The following SRGAP3 variants were observed in gnomAD, a reference collection of about 807,000 sequenced individuals.
SRGAP3 encodes SLIT-ROBO Rho GTPase activating protein 3.
SRGAP3 carries 39 observed loss-of-function variants against 121.1 expected under a neutral mutation model. The observed-to-expected ratio is 0.32, with a 90% CI of 0.25 to 0.42. The LOEUF is 0.42. Among genes scored for constraint, SRGAP3 ranks in the 10% least tolerant of loss-of-function variants. SRGAP3 has a pLI of 1.00. For missense variants in SRGAP3, 1,213 were observed against 1,470.6 expected (o/e 0.82, Z 2.86); for synonymous variants, 601 against 570.0 (o/e 1.05, Z -0.77).
chr3:9,006,647 A>C (rs546917792), intron 18 of SRGAP3, among the ~76,000 whole-genome samples: 1 of 152,324 alleles, frequency 6.6e-6, no homozygotes, highest in South Asian at 2.1e-4. Flanking sequence ...AACCTCAAAA[A>C]TTTCAGGAAA....
chr3:8,993,261 A>G (rs1942177961), intron 19 of SRGAP3, among the ~76,000 whole-genome samples: 1 of 152,014 alleles, frequency 6.6e-6, no homozygotes, highest in South Asian at 2.1e-4. Context: ...CGCAGCTGGG[A>G]CCCTCTTCTG....
chr3:9,305,302 G>A (rs939847075), intron 3 of SRGAP3, among the ~76,000 whole-genome samples: 4 of 149,972 alleles, frequency 2.7e-5, no homozygotes, highest in African/African-American at 4.9e-5. Context: ...ACCTCCACGC[G>A]AACGCTGCGG....
At chr3:9,305,296 C>T (rs1309166921) in intron 3 of SRGAP3, among the ~76,000 whole-genome samples, 1 of 150,320 alleles carries the variant, frequency 6.7e-6, no homozygotes, top group Non-Finnish European at 1.5e-5. Context: ...AGTGTGACCT[C>T]CACGCGAACG....
chr3:9,176,029 C>A (rs1179708465), intron 1 of SRGAP3, among the ~76,000 whole-genome samples: 1 of 152,202 alleles, frequency 6.6e-6, no homozygotes, highest in Non-Finnish European at 1.5e-5. Context: ...TCAAGCGATT[C>A]TCCCACCTCA....
At chr3:9,340,996 G>A (rs1436402419) in intron 1 of SRGAP3, among the ~76,000 whole-genome samples, 2 of 152,162 alleles carry the variant, frequency 1.3e-5, no homozygotes, top group Non-Finnish European at 2.9e-5. Context: ...AGTATGGCTG[G>A]GTTTTGGTGA....
intron 11 of SRGAP3, chr3:9,035,439 G>T (rs1169613324): frequency 1.7e-5 from 3 of 175,502 alleles, no homozygotes; most frequent in Non-Finnish European, 3.7e-5. Flanking sequence ...GCACTGTCTG[G>T]AATCTCTGAC....
At chr3:9,024,691 TGGAG>T (rs1559939548) in intron 14 of SRGAP3, among the ~76,000 whole-genome samples, 1 of 152,216 alleles carries the variant, frequency 6.6e-6, no homozygotes, top group Non-Finnish European at 1.5e-5. Context: ...TCTCCAGGGT[TGGAG>T]GGAGTGTATA....
intron 10 of SRGAP3, among the ~76,000 whole-genome samples, chr3:9,039,791 T>C (rs1574959774): frequency 6.6e-6 from 1 of 152,252 alleles, no homozygotes; most frequent in African/African-American, 2.4e-5. Context: ...TTGAGGTCTA[T>C]CCATATAGTA....
At chr3:9,022,209 T>C (rs1427253395) in intron 14 of SRGAP3, among the ~76,000 whole-genome samples, 1 of 152,146 alleles carries the variant, frequency 6.6e-6, no homozygotes, top group Admixed American at 6.5e-5. Context: ...ACGCCTGTAG[T>C]CCCAGCTACT....
At chr3:9,334,742 G>C (rs1297949692) in intron 1 of SRGAP3, among the ~76,000 whole-genome samples, 1 of 152,168 alleles carries the variant, frequency 6.6e-6, no homozygotes, top group African/African-American at 2.4e-5. Flanking sequence ...TACCCAAATG[G>C]AAAGAAAAAA....
intron 4 of SRGAP3, among the ~76,000 whole-genome samples, chr3:9,075,990 G>C (rs1946957970): frequency 6.6e-6 from 1 of 152,174 alleles, no homozygotes; most frequent in South Asian, 2.1e-4. Flanking sequence ...TAAGGGGAGG[G>C]GGCCTTGCTT....
At chr3:9,339,909 T>C (rs1236461864) in intron 1 of SRGAP3, among the ~76,000 whole-genome samples, 1 of 152,170 alleles carries the variant, frequency 6.6e-6, no homozygotes, top group Non-Finnish European at 1.5e-5. Context: ...ACTCTCTTCA[T>C]GCTCTGCTGA....
intron 1 of SRGAP3, among the ~76,000 whole-genome samples, chr3:9,195,863 G>A (rs1415673141): frequency 1.1e-4 from 17 of 152,150 alleles, no homozygotes; most frequent in Admixed American, 1.1e-3. Flanking sequence ...GGCTGAGGCA[G>A]GAGGATCACT....
At chr3:9,184,440 A>G (rs1951532084) in intron 1 of SRGAP3, among the ~76,000 whole-genome samples, 1 of 152,136 alleles carries the variant, frequency 6.6e-6, no homozygotes, top group South Asian at 2.1e-4. Context: ...TCAAACAGGG[A>G]TAAGTAGACC....
At chr3:9,212,648 G>C (rs962844762) in intron 1 of SRGAP3, among the ~76,000 whole-genome samples, 5 of 152,232 alleles carry the variant, frequency 3.3e-5, no homozygotes, top group East Asian at 1.9e-4. Context: ...CAGGGAGTCA[G>C]AGGTTGCAGT....
Position 9,318,033 on chromosome 3 carries a change from G to A in SRGAP3, n.442+7977C>T, listed in dbSNP as rs1349312122. ...TCAATTTCATTTTTAGCCCCTATCC[G>A]ACTAGAGTGGCAAATATATAACCTC... On this transcript the variant is annotated intron_variant and non_coding_transcript_variant, in intron 3 of 3. Coordinates refer to the SRGAP3 transcript ENST00000490889. Among the ~76,000 whole-genome samples, 3 of 151,828 alleles carry A rather than the reference G, an allele frequency of 2.0e-5. No individual in the cohort carries two copies. In the East Asian group the frequency reaches 5.8e-4, roughly 29 times the overall value.
intron 3 of SRGAP3, among the ~76,000 whole-genome samples, chr3:9,088,915 T>C (rs1037118612): frequency 1.3e-5 from 2 of 152,054 alleles, no homozygotes; most frequent in African/African-American, 2.4e-5. Flanking sequence ...GCCCAGCTTC[T>C]CCCTCCACCC....
chr3:9,152,713 TGATGGGCCACCA>T (rs1263078986), intron 1 of SRGAP3, among the ~76,000 whole-genome samples: 2 of 152,172 alleles, frequency 1.3e-5, no homozygotes, highest in African/African-American at 4.8e-5. Context: ...GTGGTCTCTG[TGATGGGCCACCA>T]GATTCCCCTT....
chr3:9,132,218 A>G (rs993120026), intron 1 of SRGAP3, among the ~76,000 whole-genome samples: 9 of 152,118 alleles, frequency 5.9e-5, no homozygotes, highest in South Asian at 2.1e-4. Flanking sequence ...CTTGCATTCC[A>G]TCGTGCATTT....
Sources: allele counts gnomAD v4.1 joint callset (sites outside exome capture counted in the v4.1 genomes callset), GRCh38; gene constraint gnomAD v4.1.1; transcripts MANE v1.5; gene names NCBI Gene and HGNC (gene_info 2026-07-23, HGNC 2026-07-21).